Variants in IGSF21 observed in about 807,000 individuals in gnomAD.
IGSF21 encodes immunoglobulin superfamily member 21.
IGSF21 carries 28 observed loss-of-function variants against 46.8 expected under a neutral mutation model. The ratio of observed to expected loss-of-function variants is 0.60; its 90% CI spans 0.44 to 0.82. The LOEUF (loss-of-function observed/expected upper bound fraction) is 0.82, where lower values mean the gene tolerates loss of function less well. IGSF21 is among the 40% of genes least tolerant of loss of function. The probability of loss-of-function intolerance (pLI) is 0.00; values close to 1 mark genes in which losing one functional copy is unlikely to be tolerated. For missense variants in IGSF21, 624 were observed against 665.5 expected (o/e 0.94, Z 0.69); for synonymous variants, 284 against 273.6 (o/e 1.04, Z -0.38).
At chr1:18,267,873 C>G (rs100622) in intron 2 of IGSF21, among the ~76,000 whole-genome samples, 47,663 of 152,224 alleles carry the variant, frequency 0.31, 7,661 homozygotes, top group Middle Eastern at 0.44. Flanking sequence ...TGCTCATTCA[C>G]TCATGTATTG....
chr1:18,130,654 C>T (rs1158558555), intron 1 of IGSF21, among the ~76,000 whole-genome samples: 7 of 152,260 alleles, frequency 4.6e-5, no homozygotes, highest in East Asian at 1.9e-4. Flanking sequence ...TGTCAGAGCC[C>T]GGATTCAAAT....
intron 2 of IGSF21, among the ~76,000 whole-genome samples, chr1:18,264,827 G>A (rs7542149): frequency 0.033 from 5,025 of 152,200 alleles, 275 homozygotes; most frequent in African/African-American, 0.11. Flanking sequence ...GATGGCTCCC[G>A]TTACCTTGAC....
chr1:18,280,335 C>A (rs1393651828), intron 2 of IGSF21, among the ~76,000 whole-genome samples: 1 of 152,126 alleles, frequency 6.6e-6, no homozygotes, highest in Non-Finnish European at 1.5e-5. Flanking sequence ...CAACCCAATG[C>A]CTCTTCCCAA....
chr1:18,356,454 C>T (rs767758148), intron 4 of IGSF21, among the ~76,000 whole-genome samples: 17 of 152,202 alleles, frequency 1.1e-4, no homozygotes, highest in Non-Finnish European at 2.1e-4. Flanking sequence ...GTTGATGATT[C>T]TTTGCCACCT....
intron 1 of IGSF21, among the ~76,000 whole-genome samples, chr1:18,122,193 C>CTTTTTTTTTTTTTTTTTTTT (rs766563472): frequency 2.5e-5 from 2 of 78,760 alleles, no homozygotes; most frequent in Non-Finnish European, 4.8e-5. Context: ...TTCTTTCTTT[C>CTTTTTTTTTTTTTTTTTTTT]TTTTTTTTTT....
At chr1:18,129,521 G>A (rs1473656635) in intron 1 of IGSF21, among the ~76,000 whole-genome samples, 3 of 152,202 alleles carry the variant, frequency 2.0e-5, no homozygotes, top group Admixed American at 1.3e-4. Context: ...GCCCTTCTGA[G>A]GTTATTGGCC....
chr1:18,368,592 T>C (rs2086192416), intron 6 of IGSF21, among the ~76,000 whole-genome samples: 1 of 151,718 alleles, frequency 6.6e-6, no homozygotes, highest in South Asian at 2.1e-4. Context: ...GCTGGGATCT[T>C]CCCAACCCAG....
chr1:18,240,605 G>A (rs924989639), intron 2 of IGSF21, among the ~76,000 whole-genome samples: 1 of 152,188 alleles, frequency 6.6e-6, no homozygotes, highest in African/African-American at 2.4e-5. Flanking sequence ...ATGGATGGTT[G>A]GATGGATGGA....
intron 2 of IGSF21, among the ~76,000 whole-genome samples, chr1:18,238,252 T>A (rs2084691451): frequency 6.6e-6 from 1 of 152,228 alleles, no homozygotes; most frequent in South Asian, 2.1e-4. Context: ...GCTGCGAGGT[T>A]GTGCCAGATG....
rs11810418 is a variant in IGSF21 at position 18,265,498 on chromosome 1, G to A, written c.184-26368G>A. On this transcript the variant is annotated intron_variant, in intron 2 of 9. Transcript: ENST00000251296. ...TGTTCATGCAGCGGCCTCCTCACTT[G>A]CCCCTGTACATAAATCCAGCTCAAA... 3.2e-3 allele frequency among the ~76,000 whole-genome samples: 490 copies of A among 152,270 alleles called. 1 individual carries two copies. The highest frequency in any genetic ancestry group is 0.011 in the African/African-American group (438 of 41,548).
rs1298535381 is a variant in IGSF21, at chr1:18,169,378, C to T, written c.71-58520C>T. Among the ~76,000 whole-genome samples, 4 of 152,172 alleles carry T rather than the reference C, an allele frequency of 2.6e-5. 1 individual carries two copies. Among genetic ancestry groups the T allele is most frequent in the African/African-American group, 4.8e-5 (2 of 41,448 alleles). On this transcript the variant is annotated intron_variant, in intron 1 of 9. Coordinates refer to ENST00000251296, the MANE Select transcript of IGSF21 (RefSeq NM_032880.5). ...GGAGTGGTTGAAGACGAAGCCCAGG[C>T]GTATTTCTTTCTTCCACCATTCCTC... is the stretch of plus-strand genomic sequence containing the variant.
At chr1:18,343,501 A>G (rs2085863375) in intron 4 of IGSF21, among the ~76,000 whole-genome samples, 1 of 152,114 alleles carries the variant, frequency 6.6e-6, no homozygotes. Flanking sequence ...TTTCGTGTCT[A>G]TTTAAGGAGG....
At chr1:18,363,223 A>C (rs1054997115) in intron 5 of IGSF21, among the ~76,000 whole-genome samples, 5 of 152,228 alleles carry the variant, frequency 3.3e-5, no homozygotes, top group African/African-American at 1.2e-4. Flanking sequence ...AGTTTCGCAC[A>C]GTACTAGGAT....
chr1:18,203,320 GTTGT>G (rs1008994459), intron 1 of IGSF21, among the ~76,000 whole-genome samples: 2 of 152,136 alleles, frequency 1.3e-5, no homozygotes, highest in African/African-American at 4.8e-5. Context: ...TTTGTTTTGT[GTTGT>G]TTGAGACCGA....
intron 4 of IGSF21, among the ~76,000 whole-genome samples, chr1:18,353,365 C>T (rs2085980749): frequency 6.6e-6 from 1 of 151,836 alleles, no homozygotes; most frequent in Admixed American, 6.6e-5. Flanking sequence ...GGGAAGGATG[C>T]CTGGGCCCTT....
intron 3 of IGSF21, among the ~76,000 whole-genome samples, chr1:18,325,719 C>G (rs553389272): frequency 3.9e-5 from 6 of 152,290 alleles, no homozygotes; most frequent in African/African-American, 1.2e-4. Context: ...CCCACCCCAC[C>G]ACAAGGTCTA....
intron 3 of IGSF21, among the ~76,000 whole-genome samples, chr1:18,301,431 C>A (rs2085361001): frequency 6.6e-6 from 1 of 152,202 alleles, no homozygotes; most frequent in Non-Finnish European, 1.5e-5. Flanking sequence ...CCTCTGCCTC[C>A]CAGGTTTAAG....
intron 2 of IGSF21, among the ~76,000 whole-genome samples, chr1:18,284,155 C>A (rs2085190098): frequency 6.6e-6 from 1 of 152,222 alleles, no homozygotes; most frequent in African/African-American, 2.4e-5. Context: ...CTCACAAAGG[C>A]ACCAGTGGAC....
chr1:18,239,602 G>A (rs148749019), intron 2 of IGSF21, among the ~76,000 whole-genome samples: 273 of 152,200 alleles, frequency 1.8e-3, no homozygotes, highest in African/African-American at 6.1e-3. Context: ...CCCACCATTC[G>A]AATCATATGG....
Sources: allele counts gnomAD v4.1 joint callset (sites outside exome capture counted in the v4.1 genomes callset), GRCh38; gene constraint gnomAD v4.1.1; transcripts MANE v1.5; gene names NCBI Gene and HGNC (gene_info 2026-07-23, HGNC 2026-07-21).